Variants in ST7 observed in about 807,000 individuals in gnomAD.
ST7 encodes suppressor of tumorigenicity 7 protein.
In ST7, 28 loss-of-function variants were observed where a neutral mutation model predicts 78.7. That is an observed-to-expected ratio of 0.36 (90% confidence interval 0.26 to 0.49). The LOEUF is 0.49. ST7 is among the 20% of genes least tolerant of loss of function. The probability of loss-of-function intolerance (pLI) is 0.99; values close to 1 mark genes in which losing one functional copy is unlikely to be tolerated. For missense variants in ST7, 418 were observed against 696.0 expected, an observed-to-expected ratio of 0.60 and a Z score of 4.49; for synonymous variants, 247 against 249.6, an observed-to-expected ratio of 0.99 and a Z score of 0.10.
At chr7:117,002,357 A>C (rs1794970346) in intron 1 of ST7, among the ~76,000 whole-genome samples, 1 of 152,080 alleles carries the variant, frequency 6.6e-6, no homozygotes, top group African/African-American at 2.4e-5. Flanking sequence ...CCTCTCGAGT[A>C]GCTGAGACTG....
At chr7:117,175,967 G>A (rs1365579929) in intron 10 of ST7, among the ~76,000 whole-genome samples, 1 of 152,090 alleles carries the variant, frequency 6.6e-6, no homozygotes, top group East Asian at 1.9e-4. Flanking sequence ...GGATCTAATA[G>A]GACATATAGA....
At chr7:117,205,246 T>C (rs1359859166) in intron 12 of ST7, among the ~76,000 whole-genome samples, 5 of 152,204 alleles carry the variant, frequency 3.3e-5, no homozygotes, top group Admixed American at 3.3e-4. Context: ...CTATGTAAAT[T>C]GTTAGGGTAC....
At chr7:117,186,736 C>T (rs1809296131) in intron 10 of ST7, among the ~76,000 whole-genome samples, 1 of 152,066 alleles carries the variant, frequency 6.6e-6, no homozygotes, top group Non-Finnish European at 1.5e-5. Flanking sequence ...AATACATTTC[C>T]CCCAGATCAT....
chr7:117,045,588 C>T (rs1490703692), intron 1 of ST7, among the ~76,000 whole-genome samples: 1 of 152,152 alleles, frequency 6.6e-6, no homozygotes, highest in African/African-American at 2.4e-5. Flanking sequence ...AATTTTCCTC[C>T]ATTGCACTTA....
intron 1 of ST7, among the ~76,000 whole-genome samples, chr7:117,024,673 C>G (rs12706137): frequency 0.15 from 22,885 of 152,102 alleles, 2,200 homozygotes; most frequent in South Asian, 0.23. Flanking sequence ...AGAGAACCAA[C>G]AAAGCTTTAG....
intron 1 of ST7, among the ~76,000 whole-genome samples, chr7:116,964,336 G>T (rs1285799865): frequency 6.6e-6 from 1 of 152,158 alleles, no homozygotes; most frequent in Non-Finnish European, 1.5e-5. Context: ...TACAAATTGG[G>T]TTTTTTCATT....
intron 12 of ST7, among the ~76,000 whole-genome samples, chr7:117,202,918 T>C (rs763532079): frequency 6.6e-6 from 1 of 152,138 alleles, no homozygotes; most frequent in Non-Finnish European, 1.5e-5. Context: ...CCCTCACATA[T>C]ACCAAAATCT....
At chr7:117,059,019 G>A (rs968785688) in intron 1 of ST7, among the ~76,000 whole-genome samples, 5 of 152,304 alleles carry the variant, frequency 3.3e-5, no homozygotes, top group Non-Finnish European at 5.9e-5. Context: ...TGGAGATAGA[G>A]AATAGAAGGA....
At position 117,020,671 on chromosome 7, in the gene ST7, C is replaced by T. The variant is rs914949907; in HGVS notation, c.151+66980C>T. Reference sequence around the variant, plus strand: ...CACTTCTCTGCTATTTAGAAATCTGCTTGCTGTCATGGTTTCATTGGCTTA... The same window carrying T: ...CACTTCTCTGCTATTTAGAAATCTGTTTGCTGTCATGGTTTCATTGGCTTA... On this transcript the variant is annotated intron_variant, in intron 1 of 15. Coordinates refer to ENST00000323984, the MANE Select transcript of ST7 (RefSeq NM_001369598.1). 7.1e-6 allele frequency: 11 copies of T among 1,550,032 alleles called. No homozygotes were observed. The Admixed American group carries it at 1.4e-4, about 19-fold the overall frequency.
rs535097327 is a variant in ST7 at position 117,015,631 on chromosome 7, A to G, written c.151+61940A>G. On this transcript the variant is annotated intron_variant, in intron 1 of 15. Transcript: ENST00000323984. The stretch of plus-strand genomic sequence containing the variant: ...CATGTTTAGAAATAAGGTTAGATTA[A>G]CCATGGGTGGTGGTTACTTGATGAG... Among the ~76,000 whole-genome samples, 3 of 152,290 alleles carry G rather than the reference A, an allele frequency of 2.0e-5. No individual in the cohort carries two copies. In the East Asian group the frequency reaches 5.8e-4, roughly 29 times the overall value.
chr7:117,219,213 G>A lies in ST7; in HGVS notation c.1498+37G>A. 1 of 1,536,176 alleles carries A rather than the reference G, an allele frequency of 6.5e-7. No homozygotes were observed. Among genetic ancestry groups the A allele is most frequent in the Non-Finnish European group, 8.9e-7 (1 of 1,119,982 alleles). ...CTCTCTTCAGCCAGTGAGGGTGTGT[G>A]GTGAAAGGTGGGGATTGGAAGAGGT... On this transcript the variant is annotated intron_variant, in intron 14 of 15. Coordinates refer to ENST00000323984, the MANE Select transcript of ST7 (RefSeq NM_001369598.1). The surrounding 1 kb of genome is among the most constrained non-coding windows in gnomAD (Gnocchi z 5.1).
intron 1 of ST7, chr7:117,073,815 C>T (rs187518849): frequency 2.0e-5 from 3 of 152,324 alleles, no homozygotes; most frequent in Admixed American, 6.5e-5. Flanking sequence ...AAATAAAATA[C>T]ATACTTTCCC....
chr7:117,154,301 C>T (rs1806516756), intron 9 of ST7, among the ~76,000 whole-genome samples: 1 of 152,132 alleles, frequency 6.6e-6, no homozygotes, highest in Non-Finnish European at 1.5e-5. Flanking sequence ...CACCGGAAGC[C>T]AAATCTGCCA....
In ST7 at chr7:116,979,102, A is replaced by C. The variant is rs188066328; in HGVS notation, c.151+25411A>C. On this transcript the variant is annotated intron_variant, in intron 1 of 15. Transcript: ENST00000323984. The stretch of plus-strand genomic sequence containing the variant: ...AAAGGCTGTGGCCTTCAGTGGAGAG[A>C]CATAGCCAATCTGTGCATTGGGAGC... Among the ~76,000 whole-genome samples, 254 of 152,280 alleles carry C rather than the reference A, an allele frequency of 1.7e-3. 1 individual carries two copies. The highest frequency in any genetic ancestry group is 5.6e-3 in the African/African-American group (234 of 41,562).
chr7:117,126,943 T>C (rs1325957912), intron 3 of ST7, among the ~76,000 whole-genome samples: 4 of 151,924 alleles, frequency 2.6e-5, no homozygotes, highest in Non-Finnish European at 4.4e-5. Context: ...GCATGTGTGC[T>C]AAGGATGGAA....
chr7:116,981,050 T>G (rs1287584579), intron 1 of ST7, among the ~76,000 whole-genome samples: 1 of 152,194 alleles, frequency 6.6e-6, no homozygotes, highest in Admixed American at 6.5e-5. Flanking sequence ...CCTTGATAGT[T>G]TTGATGAATA....
intron 10 of ST7, among the ~76,000 whole-genome samples, chr7:117,183,313 C>G (rs892296511): frequency 6.6e-6 from 1 of 151,814 alleles, no homozygotes; most frequent in Non-Finnish European, 1.5e-5. Context: ...ATAGTCCCAG[C>G]TACTTGGGAG....
chr7:116,981,884 G>A (rs1421197806), intron 1 of ST7, among the ~76,000 whole-genome samples: 1 of 152,226 alleles, frequency 6.6e-6, no homozygotes, highest in Non-Finnish European at 1.5e-5. Context: ...GGAAGCTGCA[G>A]TAGGTTACAA....
chr7:117,193,849 C>A (rs555557560), intron 12 of ST7, among the ~76,000 whole-genome samples: 1 of 152,224 alleles, frequency 6.6e-6, no homozygotes, highest in African/African-American at 2.4e-5. Context: ...AATATAATAA[C>A]TGAGAACTGA....
Sources: allele counts gnomAD v4.1 joint callset (sites outside exome capture counted in the v4.1 genomes callset), GRCh38; gene constraint gnomAD v4.1.1; non-coding constraint Gnocchi (gnomAD v3.1); transcripts MANE v1.5; gene names NCBI Gene and HGNC (gene_info 2026-07-23, HGNC 2026-07-21).